ANO6: variants seen among roughly 807,000 people sequenced by gnomAD.
The protein encoded by ANO6 is anoctamin-6.
In ANO6, 106 loss-of-function variants were observed where a neutral mutation model predicts 117.5. That is an observed-to-expected ratio of 0.90 (90% CI 0.77 to 1.06). The LOEUF is 1.06. Ranked by LOEUF, ANO6 falls within the 50% of genes least tolerant of loss-of-function variation. ANO6 has a pLI of 0.00. For missense variants in ANO6, 955 were observed against 1,121.1 expected (o/e 0.85, Z 2.12); for synonymous variants, 367 against 385.1 (o/e 0.95, Z 0.55).
chr12:45,253,331 T>C (rs909046677), intron 1 of ANO6, among the ~76,000 whole-genome samples: 5 of 152,212 alleles, frequency 3.3e-5, no homozygotes, highest in Admixed American at 6.5e-5. Flanking sequence ...CCCCCGCCAC[T>C]GATCCAGTTG....
intron 1 of ANO6, chr12:45,270,582 T>G: frequency 1.7e-6 from 1 of 571,524 alleles, no homozygotes; most frequent in Non-Finnish European, 3.0e-6. Flanking sequence ...CCCCTCCGAC[T>G]GTCAGTTCCG....
At chr12:45,261,109 C>A (rs1446499858) in intron 1 of ANO6, among the ~76,000 whole-genome samples, 1 of 152,110 alleles carries the variant, frequency 6.6e-6, no homozygotes. Flanking sequence ...CATGAGCCAC[C>A]ATGCCAGGTG....
intron 1 of ANO6, among the ~76,000 whole-genome samples, chr12:45,246,325 G>T (rs186356090): frequency 1.3e-5 from 2 of 152,230 alleles, no homozygotes; most frequent in East Asian, 3.9e-4. Flanking sequence ...TGCGGTTTTT[G>T]GTTTTCTTGC....
chr12:45,254,165 CA>C (rs1029218482), intron 1 of ANO6, among the ~76,000 whole-genome samples: 5 of 151,218 alleles, frequency 3.3e-5, no homozygotes, highest in Non-Finnish European at 5.9e-5. Flanking sequence ...GACTCCGTCT[CA>C]AAAAAAAAGT....
At chr12:45,254,044 G>A (rs954491456) in intron 1 of ANO6, among the ~76,000 whole-genome samples, 4 of 152,178 alleles carry the variant, frequency 2.6e-5, no homozygotes, top group African/African-American at 9.7e-5. Flanking sequence ...GTGTGCGTCT[G>A]TAGTCCCAAC....
chr12:45,260,095 T>C (rs1317830970), intron 1 of ANO6, among the ~76,000 whole-genome samples: 1 of 152,252 alleles, frequency 6.6e-6, no homozygotes, highest in African/African-American at 2.4e-5. Flanking sequence ...AATTCTTTTC[T>C]TCCATAAGGA....
At chr12:45,321,637 A>G (rs544628252) in intron 2 of ANO6, among the ~76,000 whole-genome samples, 2 of 152,120 alleles carry the variant, frequency 1.3e-5, no homozygotes, top group Non-Finnish European at 2.9e-5. Flanking sequence ...CCTTGAAATG[A>G]CAGTCGCGTG....
At chr12:45,317,133 T>TATATATATATGTATATATATATA (rs34406866) in intron 2 of ANO6, among the ~76,000 whole-genome samples, 2 of 69,542 alleles carry the variant, frequency 2.9e-5, no homozygotes, top group Non-Finnish European at 6.4e-5. Context: ...ATATATATAT[T>TATATATATATGTATATATATATA]TATTATACTT....
chr12:45,351,704 GAT>G (rs1941285002), intron 7 of ANO6, among the ~76,000 whole-genome samples: 1 of 152,132 alleles, frequency 6.6e-6, no homozygotes, highest in Non-Finnish European at 1.5e-5. Flanking sequence ...GTGGCCCTGA[GAT>G]GCACACACAT....
At chr12:45,381,885 TCA>T (rs1485213518) in intron 10 of ANO6, among the ~76,000 whole-genome samples, 4 of 152,028 alleles carry the variant, frequency 2.6e-5, no homozygotes, top group Non-Finnish European at 4.4e-5. Flanking sequence ...AAGAATATTA[TCA>T]TGAATTATCT....
At chr12:45,219,503 ATTTTTTTT>A (rs59216107) in intron 1 of ANO6, among the ~76,000 whole-genome samples, 55 of 119,668 alleles carry the variant, frequency 4.6e-4, no homozygotes, top group African/African-American at 1.7e-3. Context: ...TGCCTGGCCA[ATTTTTTTT>A]TTTTTTTTTT....
chr12:45,300,516 C>A (rs1939447845), intron 1 of ANO6, among the ~76,000 whole-genome samples: 1 of 152,140 alleles, frequency 6.6e-6, no homozygotes, highest in Non-Finnish European at 1.5e-5. Context: ...ATTCCATACT[C>A]AAACTCTCCA....
chr12:45,416,843 A>C lies in ANO6; in HGVS notation c.2156A>C (p.Gln719Pro). 1 of 1,614,204 alleles carries C rather than the reference A, an allele frequency of 6.2e-7. No homozygotes were observed. The highest frequency in any genetic ancestry group is 1.1e-5 in the South Asian group (1 of 91,086). ...AGACGCCTGGTACCAGAGAAAGCCC[A>C]AGACATTGGAGCATGGCAGCCCATC... ...QFRRLVPEKA[Q>P]DIGAWQPIMQ... is the part of the protein sequence containing the mutation. Residue 719 changes from glutamine to proline, a missense_variant, in exon 17 of 20, where the codon CAA (glutamine) becomes CCA (proline). By Grantham distance (76) the Gln-to-Pro change is moderately conservative (BLOSUM62 -1). Transcript: ENST00000320560.
chr12:45,381,874 TAAG>T (rs139616653), intron 10 of ANO6, among the ~76,000 whole-genome samples: 8,319 of 152,050 alleles, frequency 0.055, 463 homozygotes, highest in East Asian at 0.32. Flanking sequence ...TGAGAAAAGT[TAAG>T]AATATTATCA....
chr12:45,237,823 C>G (rs972923306), intron 1 of ANO6, among the ~76,000 whole-genome samples: 5 of 152,114 alleles, frequency 3.3e-5, no homozygotes, highest in Non-Finnish European at 7.4e-5. Context: ...GCAGTATGGC[C>G]GTTTTCACAA....
At chr12:45,309,375 C>G (rs548503823) in intron 2 of ANO6, among the ~76,000 whole-genome samples, 1 of 152,094 alleles carries the variant, frequency 6.6e-6, no homozygotes, top group South Asian at 2.1e-4. Flanking sequence ...TCACATGGAC[C>G]TGAAATGAAT....
At chr12:45,411,605 T>C (rs1943088270) in intron 16 of ANO6, among the ~76,000 whole-genome samples, 1 of 152,214 alleles carries the variant, frequency 6.6e-6, no homozygotes, top group Non-Finnish European at 1.5e-5. Flanking sequence ...TTTCCCCATA[T>C]TCCTTAACAA....
At chr12:45,262,330 ATTAACCATT>A (rs1938066168) in intron 1 of ANO6, among the ~76,000 whole-genome samples, 1 of 152,202 alleles carries the variant, frequency 6.6e-6, no homozygotes, top group Admixed American at 6.5e-5. Flanking sequence ...ATAACATAAA[ATTAACCATT>A]TTAACCATTT....
chr12:45,234,849 C>T (rs1249549564), intron 1 of ANO6, among the ~76,000 whole-genome samples: 1 of 151,798 alleles, frequency 6.6e-6, no homozygotes, highest in East Asian at 1.9e-4. Flanking sequence ...CCAGCAGTAA[C>T]CTTTCAGTTC....
Sources: allele counts gnomAD v4.1 joint callset (sites outside exome capture counted in the v4.1 genomes callset), GRCh38; gene constraint gnomAD v4.1.1; transcripts MANE v1.5; gene names NCBI Gene and HGNC (gene_info 2026-07-23, HGNC 2026-07-21).